DHRS4: variants seen among roughly 807,000 people sequenced by gnomAD.
The protein encoded by DHRS4 is dehydrogenase/reductase 4, also known as dehydrogenase/reductase SDR family member 4.
A neutral mutation model predicts 28.4 loss-of-function variants in DHRS4; 20 were observed. The ratio of observed to expected loss-of-function variants is 0.71; its 90% confidence interval spans 0.50 to 1.02. The LOEUF (loss-of-function observed/expected upper bound fraction) is 1.02, where lower values mean the gene tolerates loss of function less well. Ranked by LOEUF, DHRS4 falls within the 50% of genes least tolerant of loss-of-function variation. The pLI is 0.00. For synonymous variants in DHRS4, 144 were observed against 146.4 expected, an observed-to-expected ratio of 0.98 and a Z score of 0.12; for missense variants, 378 against 367.2, an observed-to-expected ratio of 1.03 and a Z score of -0.24.
chr14:23,966,019 C>T (rs2033602802), intron 5 of DHRS4, 36 bp downstream of exon 5: 1 of 1,608,944 alleles, frequency 6.2e-7, no homozygotes, highest in Non-Finnish European at 8.5e-7. Flanking sequence ...CCATCCCACC[C>T]TCCACTCCAC....
rs768124042 is a variant in DHRS4 at position 23,966,342 on chromosome 14, C to T, written c.591C>T (p.Ala197=). The T allele has an allele frequency of 1.7e-5, 27 of 1,613,938 alleles. No individual in the cohort carries two copies. The East Asian group carries it at 5.6e-4, about 33-fold the overall frequency. The part of the protein sequence containing the change: ...TALLGLTKTL[A]IELAPRNIRV... ...TGCTGGGCCTGACCAAGACCCTGGC[C>T]ATAGAGCTGGCCCCAAGGAACATTA... The change falls in exon 6 of 8, where the codon GCC becomes GCT. Residue 197 remains alanine (A), a synonymous_variant. Transcript: ENST00000313250.
chr14:23,968,423 C>T (rs1232748489), intron 7 of DHRS4, among the ~76,000 whole-genome samples: 3 of 150,630 alleles, frequency 2.0e-5, no homozygotes, highest in African/African-American at 7.4e-5. Context: ...AGTGTGTGCA[C>T]ATGTGAAACC....
At chr14:23,957,973 G>C (rs2033243122) in intron 2 of DHRS4, among the ~76,000 whole-genome samples, 1 of 151,450 alleles carries the variant, frequency 6.6e-6, no homozygotes, top group Non-Finnish European at 1.5e-5. Flanking sequence ...AATGTCTCCA[G>C]GTGATTCTAG....
At chr14:23,954,809 C>A (rs2033033266) in intron 1 of DHRS4, among the ~76,000 whole-genome samples, 1 of 152,202 alleles carries the variant, frequency 6.6e-6, no homozygotes, top group African/African-American at 2.4e-5. Flanking sequence ...AAAGTGATGT[C>A]AGTTCTTGGG....
intron 2 of DHRS4, among the ~76,000 whole-genome samples, chr14:23,956,865 T>A (rs907356241): frequency 6.6e-6 from 1 of 152,066 alleles, no homozygotes; most frequent in African/African-American, 2.4e-5. Context: ...GGCCTCCCAA[T>A]GTGCTGGGAT....
At chr14:23,960,158 C>A (rs550225110) in intron 3 of DHRS4, among the ~76,000 whole-genome samples, 155 bp downstream of exon 3, 1 of 152,054 alleles carries the variant, frequency 6.6e-6, no homozygotes, top group East Asian at 1.9e-4. Context: ...TTGCAAAGGG[C>A]GGGTGGGGGT....
At chr14:23,963,947 G>A (rs946487378) in intron 3 of DHRS4, among the ~76,000 whole-genome samples, 1 of 151,280 alleles carries the variant, frequency 6.6e-6, no homozygotes, top group Non-Finnish European at 1.5e-5. Context: ...CACAGAGAGG[G>A]AGAGAGATGA....
Position 23,965,781 on chromosome 14 carries a change from A to G in DHRS4, c.428A>G (p.Lys143Arg), listed in dbSNP as rs754441403. The G allele has an allele frequency of 6.2e-7, 1 of 1,604,684 alleles. No individual in the cohort carries two copies. Among genetic ancestry groups the G allele is most frequent in the Non-Finnish European group, 8.5e-7 (1 of 1,174,672 alleles). ...CTTCAGACTCTGGACATTAATGTGAAGGCCCCAGCCCTGATGACAAAGGCA... is the reference window on the plus strand; with the variant it reads ...CTTCAGACTCTGGACATTAATGTGAGGGCCCCAGCCCTGATGACAAAGGCA... Reference protein sequence around the residue: ...VWDKTLDINVKAPALMTKAVV... With the variant: ...VWDKTLDINVRAPALMTKAVV... The change falls in exon 4 of 8, where the codon AAG becomes AGG. Residue 143 changes from lysine (K) to arginine (R), a missense_variant. Coordinates refer to ENST00000313250, the MANE Select transcript of DHRS4 (RefSeq NM_021004.4).
intron 3 of DHRS4, among the ~76,000 whole-genome samples, chr14:23,960,253 C>T (rs1038002114): frequency 6.6e-6 from 1 of 152,020 alleles, no homozygotes; most frequent in Non-Finnish European, 1.5e-5. Flanking sequence ...ACAGTCTGCT[C>T]CTCTCCCCAG....
chr14:23,963,857 G>C (rs953957609), intron 3 of DHRS4, among the ~76,000 whole-genome samples: 1 of 149,602 alleles, frequency 6.7e-6, no homozygotes, highest in Admixed American at 6.6e-5. Flanking sequence ...TCTTCCTTTT[G>C]CTTAAACACT....
chr14:23,955,911 G>A (rs1038107879), intron 2 of DHRS4, among the ~76,000 whole-genome samples: 10 of 152,224 alleles, frequency 6.6e-5, no homozygotes, highest in African/African-American at 2.2e-4. Flanking sequence ...CACAAAGGAA[G>A]CTCCTCTTCC....
chr14:23,966,972 G>A (rs1796316645), intron 6 of DHRS4, among the ~76,000 whole-genome samples: 1 of 152,138 alleles, frequency 6.6e-6, no homozygotes. Flanking sequence ...TGGCTAACAC[G>A]GTGAAACCCC....
chr14:23,957,371 G>C (rs2033217596), intron 2 of DHRS4, among the ~76,000 whole-genome samples: 1 of 139,316 alleles, frequency 7.2e-6, no homozygotes, highest in Admixed American at 6.7e-5. Flanking sequence ...ATACTACCCA[G>C]TGGCCTCCTC....
At chr14:23,954,802 G>C (rs1290347291) in intron 1 of DHRS4, among the ~76,000 whole-genome samples, 1 of 152,244 alleles carries the variant, frequency 6.6e-6, no homozygotes, top group Non-Finnish European at 1.5e-5. Flanking sequence ...ACTGTAGAAA[G>C]TGATGTCAGT....
chr14:23,955,333 A>C, intron 2 of DHRS4, 121 bp downstream of exon 2: 1 of 1,412,266 alleles, frequency 7.1e-7, no homozygotes, highest in East Asian at 2.5e-5. Context: ...TTATGTCCAT[A>C]TACTAACGTC....
In DHRS4 at chr14:23,968,973, A is replaced by T; in HGVS notation, c.*102A>T. ...CCCACCTCTGCTCACCTTACTGTTC[A>T]CCTCATCAAATCAGTTCTGCCCTGT... On this transcript the variant is annotated 3_prime_UTR_variant, in exon 8 of 8. Transcript: ENST00000313250. 1 of 1,443,236 alleles carries T rather than the reference A, an allele frequency of 6.9e-7. No homozygotes were observed. Among genetic ancestry groups the T allele is most frequent in the East Asian group, 2.5e-5 (1 of 40,328 alleles). 89.4% of individuals were successfully genotyped at this position (1,443,236 alleles called of 1,614,324 possible). A position where few individuals can be genotyped will look rare whatever the true frequency, so the allele number is the denominator to read the frequency against.
intron 7 of DHRS4, 152 bp downstream of exon 7, chr14:23,967,418 C>A: frequency 8.4e-7 from 1 of 1,183,884 alleles, no homozygotes; most frequent in Non-Finnish European, 1.2e-6. Flanking sequence ...ACTATCACTA[C>A]AGTGACCTGA....
intron 3 of DHRS4, among the ~76,000 whole-genome samples, chr14:23,963,138 T>A (rs547407186): frequency 9.2e-6 from 1 of 108,478 alleles, no homozygotes; most frequent in Non-Finnish European, 1.7e-5. Flanking sequence ...CAGAGTAGAT[T>A]TAGCGTAAAT....
chr14:23,956,929 G>A lies in DHRS4; in HGVS notation c.306+1717G>A, dbSNP rs149280851. On this transcript the variant is annotated intron_variant, in intron 2 of 7. Coordinates refer to ENST00000313250, the MANE Select transcript of DHRS4 (RefSeq NM_021004.4). ...TAGCTTCTTAAAAGGATACGTTAAGGACCTTAAAAGGATATGGCCTCTTAA... is the reference window on the plus strand; with the variant it reads ...TAGCTTCTTAAAAGGATACGTTAAGAACCTTAAAAGGATATGGCCTCTTAA... Among the ~76,000 whole-genome samples the A allele has an allele frequency of 3.8e-3, 575 of 152,250 alleles. 3 individuals carry two copies. The highest frequency in any genetic ancestry group is 0.013 in the African/African-American group (550 of 41,530).
Sources: gnomAD v4.1 joint callset for allele counts (sites outside exome capture counted in the v4.1 genomes callset) on GRCh38, gnomAD v4.1.1 for gene constraint, MANE v1.5 for transcripts, NCBI Gene and HGNC (gene_info 2026-07-23, HGNC 2026-07-21) for gene names.